PSD3: variants seen among roughly 807,000 people sequenced by gnomAD.
The protein encoded by PSD3 is pleckstrin and Sec7 domain containing 3, also known as PH and SEC7 domain-containing protein 3.
A neutral mutation model predicts 105.5 loss-of-function variants in PSD3; 49 were observed. The observed-to-expected ratio is 0.46, with a 90% confidence interval of 0.37 to 0.59. The LOEUF (loss-of-function observed/expected upper bound fraction) is 0.59. Among genes scored for constraint, PSD3 ranks in the 20% least tolerant of loss-of-function variants. The pLI, the probability that PSD3 is intolerant of heterozygous loss-of-function variation, is 0.00. For missense variants in PSD3, 1,561 were observed against 1,263.8 expected (o/e 1.24, Z -3.57); for synonymous variants, 557 against 457.8 (o/e 1.22, Z -2.77).
chr8:18,719,550 C>G (rs949965778), intron 9 of PSD3, among the ~76,000 whole-genome samples: 2 of 152,080 alleles, frequency 1.3e-5, no homozygotes, highest in Admixed American at 1.3e-4. Flanking sequence ...CTCACTTGAA[C>G]AAGACTTTAA....
chr8:18,554,853 G>C (rs1347200056), intron 15 of PSD3, among the ~76,000 whole-genome samples: 1 of 152,140 alleles, frequency 6.6e-6, no homozygotes, highest in East Asian at 1.9e-4. Context: ...TACCTCAAAA[G>C]ACGAACAGGA....
rs559080078 is a variant in PSD3, at chr8:19,064,475, C to G, written c.324+19731G>C. Among the ~76,000 whole-genome samples the G allele has an allele frequency of 4.3e-4, 65 of 152,102 alleles. No homozygotes were observed. The South Asian group carries it at 0.013, about 30-fold the overall frequency. On this transcript the variant is annotated intron_variant, in intron 1 of 1. Coordinates refer to the PSD3 transcript ENST00000521475. ...CGATGTGTAATGATCAAATGAGGGT[C>G]ACTGGGGTAGTCGTTGCCTCAAGCG... is the stretch of plus-strand genomic sequence containing the variant.
Position 18,655,656 on chromosome 8 carries a change from C to A in PSD3, c.2202G>T (p.Lys734Asn). ...AGCACACTTACACTGCCCATTCAAG[C>A]TTCTCATTCTTGATTGAGTTGTACA... ...KALYNSIKNE[K>N]LEWAVDDEEK... Residue 734 changes from lysine to asparagine, a missense_variant, in exon 10 of 16, where the codon AAG (lysine) becomes AAT (asparagine). By Grantham distance (94) the Lys-to-Asn change is moderately conservative (BLOSUM62 0). Transcript: ENST00000327040. 6.2e-7 allele frequency: 1 copy of A among 1,613,946 alleles called. No homozygotes were observed. Among genetic ancestry groups the A allele is most frequent in the Non-Finnish European group, 8.5e-7 (1 of 1,179,892 alleles).
At chr8:18,670,896 T>A (rs1383181309) in intron 9 of PSD3, among the ~76,000 whole-genome samples, 2 of 152,082 alleles carry the variant, frequency 1.3e-5, no homozygotes, top group Non-Finnish European at 1.5e-5. Flanking sequence ...CAATGTATAA[T>A]CTTCTGGACA....
At chr8:18,956,677 T>C (rs954965025) in intron 1 of PSD3, among the ~76,000 whole-genome samples, 16 of 152,226 alleles carry the variant, frequency 1.1e-4, no homozygotes, top group Non-Finnish European at 1.6e-4. Flanking sequence ...TAATATTTTC[T>C]CAGTTTTGGT....
Position 18,978,509 on chromosome 8 carries a change from A to G in PSD3, c.21+35054T>C, listed in dbSNP as rs77365458. 7.4e-3 allele frequency among the ~76,000 whole-genome samples: 1,122 copies of G among 152,304 alleles called. 15 individuals carry two copies. The highest frequency in any genetic ancestry group is 0.026 in the African/African-American group (1,086 of 41,550). On this transcript the variant is annotated intron_variant, in intron 1 of 15. Coordinates refer to ENST00000327040, the MANE Select transcript of PSD3 (RefSeq NM_015310.4). Reference sequence around the variant, plus strand: ...CAAATTCTAAAACATGCACCTTTCAATTTGCCCCTCCTCTCCTTAACATCT... The same window carrying G: ...CAAATTCTAAAACATGCACCTTTCAGTTTGCCCCTCCTCTCCTTAACATCT...
At chr8:18,878,226 C>A (rs1817862648) in intron 2 of PSD3, among the ~76,000 whole-genome samples, 1 of 151,912 alleles carries the variant, frequency 6.6e-6, no homozygotes, top group African/African-American at 2.4e-5. Flanking sequence ...TTTCAAATTT[C>A]TTTAGATCAT....
At chr8:18,636,674 T>C (rs10099838) in intron 10 of PSD3, among the ~76,000 whole-genome samples, 2,484 of 152,330 alleles carry the variant, frequency 0.016, 70 homozygotes, top group African/African-American at 0.056. Flanking sequence ...AAATCTTTAA[T>C]GCCATATTTG....
intron 9 of PSD3, among the ~76,000 whole-genome samples, chr8:18,763,193 G>C (rs2410595): frequency 6.6e-6 from 1 of 152,206 alleles, no homozygotes; most frequent in East Asian, 1.9e-4. Flanking sequence ...AGGTCAATAC[G>C]TAACAATAAA....
intron 2 of PSD3, among the ~76,000 whole-genome samples, chr8:18,912,609 G>A (rs1051291287): frequency 6.6e-6 from 1 of 152,094 alleles, no homozygotes; most frequent in African/African-American, 2.4e-5. Context: ...CATCTCTGTG[G>A]CTAGGATTCT....
chr8:18,945,699 G>C (rs1027641989), intron 1 of PSD3, among the ~76,000 whole-genome samples: 1 of 152,176 alleles, frequency 6.6e-6, no homozygotes, highest in Non-Finnish European at 1.5e-5. Context: ...AAGTCAGCTG[G>C]GCGTGGTGGC....
At chr8:18,990,178 G>C (rs1041163916) in intron 1 of PSD3, among the ~76,000 whole-genome samples, 1 of 152,146 alleles carries the variant, frequency 6.6e-6, no homozygotes, top group Non-Finnish European at 1.5e-5. Context: ...TCTTCAATCC[G>C]TTCTTCACAG....
At chr8:18,665,403 G>A (rs140354774) in intron 9 of PSD3, among the ~76,000 whole-genome samples, 30 of 152,348 alleles carry the variant, frequency 2.0e-4, no homozygotes, top group South Asian at 8.3e-4. Context: ...AGAATTAGAC[G>A]TGGAGCCTAA....
At chr8:19,044,818 G>A (rs1016117331) in intron 1 of PSD3, among the ~76,000 whole-genome samples, 9 of 152,154 alleles carry the variant, frequency 5.9e-5, no homozygotes, top group African/African-American at 1.4e-4. Context: ...GTGGAGAGAC[G>A]GGAAAGATTG....
intron 1 of PSD3, among the ~76,000 whole-genome samples, chr8:18,960,502 A>C (rs982083694): frequency 2.6e-5 from 4 of 152,198 alleles, no homozygotes; most frequent in Non-Finnish European, 1.5e-5. Context: ...AAACTGAATA[A>C]AAACAAATCA....
chr8:18,588,806 G>A (rs939637377), intron 12 of PSD3, among the ~76,000 whole-genome samples: 1 of 152,156 alleles, frequency 6.6e-6, no homozygotes, highest in African/African-American at 2.4e-5. Context: ...ATTTATCTGA[G>A]GGAGAGGACA....
At chr8:18,814,861 G>T (rs148651314) in intron 4 of PSD3, among the ~76,000 whole-genome samples, 1 of 152,196 alleles carries the variant, frequency 6.6e-6, no homozygotes, top group African/African-American at 2.4e-5. Flanking sequence ...GGTTGAATTA[G>T]TATCAGTGTA....
At chr8:18,658,103 G>T (rs1235429399) in intron 9 of PSD3, among the ~76,000 whole-genome samples, 2 of 152,188 alleles carry the variant, frequency 1.3e-5, no homozygotes, top group Non-Finnish European at 2.9e-5. Context: ...CAGACTTGCA[G>T]TATTGCAGGT....
chr8:18,604,191 T>A (rs1200252643), intron 11 of PSD3, among the ~76,000 whole-genome samples: 1 of 152,208 alleles, frequency 6.6e-6, no homozygotes, highest in Non-Finnish European at 1.5e-5. Flanking sequence ...ATGACCAAAA[T>A]GCTGGCAGTG....
Sources: allele counts gnomAD v4.1 joint callset (sites outside exome capture counted in the v4.1 genomes callset), GRCh38; gene constraint gnomAD v4.1.1; transcripts MANE v1.5; gene names NCBI Gene and HGNC (gene_info 2026-07-23, HGNC 2026-07-21).